Variants in PAPSS2 observed in about 807,000 individuals in gnomAD.
PAPSS2 encodes 3'-phosphoadenosine 5'-phosphosulfate synthase 2.
In PAPSS2, 61 loss-of-function variants were observed where a neutral mutation model predicts 66.5. That is an observed-to-expected ratio of 0.92 (90% CI 0.75 to 1.14). The LOEUF is 1.14. PAPSS2 is among the 50% of genes most tolerant of loss of function. The pLI, the probability that PAPSS2 is intolerant of heterozygous loss-of-function variation, is 0.00. For missense variants in PAPSS2, 708 were observed against 789.6 expected (o/e 0.90, Z 1.24); for synonymous variants, 289 against 287.5 (o/e 1.01, Z -0.05).
intron 1 of PAPSS2, among the ~76,000 whole-genome samples, chr10:87,702,736 A>G (rs779431587): frequency 1.3e-5 from 2 of 152,102 alleles, no homozygotes; most frequent in Non-Finnish European, 2.9e-5. Flanking sequence ...GACATTATGA[A>G]CATCTCAGAA....
intron 1 of PAPSS2, among the ~76,000 whole-genome samples, chr10:87,696,690 T>C (rs368588431): frequency 6.6e-5 from 10 of 152,278 alleles, no homozygotes; most frequent in Non-Finnish European, 1.2e-4. Context: ...AAAAGTAAAA[T>C]AATAAAGTTA....
chr10:87,693,595 G>C (rs1228981955), intron 1 of PAPSS2, among the ~76,000 whole-genome samples: 1 of 152,182 alleles, frequency 6.6e-6, no homozygotes. Context: ...TGGCGCGTTT[G>C]ACATACAAAA....
intron 1 of PAPSS2, among the ~76,000 whole-genome samples, chr10:87,683,067 CT>C (rs1408983638): frequency 2.0e-5 from 3 of 149,144 alleles, no homozygotes; most frequent in East Asian, 4.0e-4. Flanking sequence ...TCTTTTTTTT[CT>C]TTTTTTCTTT....
chr10:87,734,689 A>ATATATATATATATATG (rs1853774635), intron 9 of PAPSS2, among the ~76,000 whole-genome samples: 1 of 124,596 alleles, frequency 8.0e-6, no homozygotes, highest in Admixed American at 7.9e-5. Context: ...ATATATATAT[A>ATATATATATATATATG]TATATATATA....
chr10:87,686,593 A>C (rs987705788), intron 1 of PAPSS2, among the ~76,000 whole-genome samples: 1 of 152,198 alleles, frequency 6.6e-6, no homozygotes, highest in Non-Finnish European at 1.5e-5. Flanking sequence ...TAAAATCTGA[A>C]TGTGCTTAGA....
At chr10:87,660,136 G>C in intron 1 of PAPSS2, 128 bp downstream of exon 1, 4 of 917,278 alleles carry the variant, frequency 4.4e-6, no homozygotes, top group Non-Finnish European at 7.0e-6. Context: ...AGTAAGAGTG[G>C]GGCACGGAGG....
chr10:87,719,457 G>T (rs1853569494), intron 7 of PAPSS2, among the ~76,000 whole-genome samples: 1 of 152,152 alleles, frequency 6.6e-6, no homozygotes, highest in South Asian at 2.1e-4. Context: ...AAACCACTCT[G>T]CATACAGTTA....
At chr10:87,661,092 A>G (rs1450605629) in intron 1 of PAPSS2, 1 of 452,140 alleles carries the variant, frequency 2.2e-6, no homozygotes, top group African/African-American at 2.0e-5. Context: ...TATAATGTGT[A>G]TTACCGAAAT....
chr10:87,697,297 C>T (rs909083724), intron 1 of PAPSS2, among the ~76,000 whole-genome samples: 5 of 152,110 alleles, frequency 3.3e-5, no homozygotes, highest in South Asian at 2.1e-4. Flanking sequence ...GCGTCCTGGC[C>T]GATTGGCAAC....
At chr10:87,743,675 A>G (rs1285573891) in intron 11 of PAPSS2, 34 bp downstream of exon 11, 1 of 1,612,802 alleles carries the variant, frequency 6.2e-7, no homozygotes, top group Admixed American at 1.7e-5. Flanking sequence ...TTTGAGACTC[A>G]GGAATTCAGA....
chr10:87,701,327 C>CCTTTCTTT lies in PAPSS2; in HGVS notation c.28-7806_28-7799dup, dbSNP rs71019494. On this transcript the variant is annotated intron_variant, in intron 1 of 12. Coordinates refer to ENST00000456849, the MANE Select transcript of PAPSS2 (RefSeq NM_001015880.2). ...TCCTTCCTTCCTTCCTTCCTTCCTT[C>CCTTTCTTT]CTTTCTTTCTTTCTTTCTTTCTTTC... 5.5e-3 allele frequency among the ~76,000 whole-genome samples: 399 copies of CCTTTCTTT among 72,216 alleles called. 9 individuals carry two copies. Among genetic ancestry groups the CCTTTCTTT allele is most frequent in the South Asian group, 8.8e-3 (17 of 1,942 alleles). 47.4% of individuals were successfully genotyped at this position (72,216 alleles called of 152,430 possible).
intron 7 of PAPSS2, among the ~76,000 whole-genome samples, chr10:87,718,432 C>T (rs190953869): frequency 6.6e-5 from 10 of 152,288 alleles, no homozygotes; most frequent in Admixed American, 3.9e-4. Flanking sequence ...TGTCTGTCCC[C>T]GCAAACCCAC....
chr10:87,740,114 A>G (rs904032455), intron 9 of PAPSS2, among the ~76,000 whole-genome samples: 9 of 152,214 alleles, frequency 5.9e-5, no homozygotes, highest in Non-Finnish European at 1.3e-4. Context: ...ATATTTTTCA[A>G]AATGGACAAA....
chr10:87,666,576 C>T (rs1364428505), intron 1 of PAPSS2, among the ~76,000 whole-genome samples: 1 of 152,024 alleles, frequency 6.6e-6, no homozygotes, highest in African/African-American at 2.4e-5. Context: ...TCTTCCTATG[C>T]AGACATCCTT....
rs1589445822 is a variant in PAPSS2, at chr10:87,745,030, T to C, written c.1520T>C (p.Ile507Thr). The change falls in exon 12 of 13, where the codon ATT (isoleucine) becomes ACT (threonine). Residue 507 changes from isoleucine to threonine, a missense_variant. Transcript: ENST00000456849. Reference sequence around the variant, plus strand: ...CAGTGGCACTGCAGGTCCCGGATGATTGCGGGTGCCAATTTCTACATTGTG... The same window carrying C: ...CAGTGGCACTGCAGGTCCCGGATGACTGCGGGTGCCAATTTCTACATTGTG... ...EVQWHCRSRM[I>T]AGANFYIVGR... 1.9e-6 allele frequency: 3 copies of C among 1,614,150 alleles called. No individual in the cohort carries two copies. The highest frequency in any genetic ancestry group is 2.2e-5 in the East Asian group (1 of 44,866).
chr10:87,734,892 C>CAA (rs1417768375), intron 9 of PAPSS2, among the ~76,000 whole-genome samples: 1 of 151,538 alleles, frequency 6.6e-6, no homozygotes, highest in Non-Finnish European at 1.5e-5. Context: ...CCTCCCTTTC[C>CAA]AATTAGTGCA....
intron 1 of PAPSS2, among the ~76,000 whole-genome samples, chr10:87,662,940 A>G (rs1852770430): frequency 2.1e-5 from 3 of 144,876 alleles, no homozygotes; most frequent in South Asian, 4.4e-4. Flanking sequence ...GTAGCGTGGC[A>G]TGATCTCAGC....
In PAPSS2 at chr10:87,721,712, T is replaced by C. The variant is rs936009926; in HGVS notation, c.866-44T>C. 15 of 1,459,256 alleles carry C rather than the reference T, an allele frequency of 1.0e-5. No individual in the cohort carries two copies. In the East Asian group the frequency reaches 3.7e-4, roughly 36 times the overall value. 90.4% of individuals were successfully genotyped at this position (1,459,256 alleles called of 1,614,324 possible). A position where few individuals can be genotyped will look rare whatever the true frequency, so the allele number is the denominator to read the frequency against. The stretch of plus-strand genomic sequence containing the variant: ...CATTGTTGCTGTAAGATTCGTTTGG[T>C]GGAGAGCTGAAAATGTTTCTTAATT... On this transcript the variant is annotated intron_variant, in intron 7 of 12. Transcript: ENST00000456849.
At chr10:87,674,446 A>G (rs982637572) in intron 1 of PAPSS2, among the ~76,000 whole-genome samples, 1 of 152,166 alleles carries the variant, frequency 6.6e-6, no homozygotes, top group African/African-American at 2.4e-5. Context: ...GATTACAGAT[A>G]TGAGCCACTG....
Sources: allele counts gnomAD v4.1 joint callset (sites outside exome capture counted in the v4.1 genomes callset), GRCh38; gene constraint gnomAD v4.1.1; transcripts MANE v1.5; gene names NCBI Gene and HGNC (gene_info 2026-07-23, HGNC 2026-07-21).